Variants in ADAMTS2 observed in about 807,000 individuals in gnomAD.
ADAMTS2 encodes A disintegrin and metalloproteinase with thrombospondin motifs 2.
A neutral mutation model predicts 123.0 loss-of-function variants in ADAMTS2; 50 were observed. That is an observed-to-expected ratio of 0.41 (90% CI 0.32 to 0.51). The LOEUF (loss-of-function observed/expected upper bound fraction) is 0.51. Ranked by LOEUF, ADAMTS2 falls within the 20% of genes least tolerant of loss-of-function variation. The pLI is 0.35. For synonymous variants in ADAMTS2, 678 were observed against 695.4 expected (o/e 0.98, Z 0.39); for missense variants, 1,494 against 1,705.2 (o/e 0.88, Z 2.18).
At chr5:179,186,188 T>C (rs1280469389) in intron 4 of ADAMTS2, among the ~76,000 whole-genome samples, 1 of 152,058 alleles carries the variant, frequency 6.6e-6, no homozygotes, top group Non-Finnish European at 1.5e-5. Context: ...CTTGGCCCCC[T>C]CCCAGGCCAG....
intron 4 of ADAMTS2, among the ~76,000 whole-genome samples, chr5:179,187,521 A>G (rs1445421296): frequency 6.6e-6 from 1 of 152,226 alleles, no homozygotes; most frequent in African/African-American, 2.4e-5. Flanking sequence ...ATAACAGGAA[A>G]TGGGCAAAAT....
chr5:179,263,561 T>G (rs1022707089), intron 3 of ADAMTS2, among the ~76,000 whole-genome samples: 2 of 152,182 alleles, frequency 1.3e-5, no homozygotes, highest in African/African-American at 4.8e-5. Flanking sequence ...CAGTTTGGGA[T>G]GGGAGGCGTG....
chr5:179,140,895 G>T (rs1763154559), intron 10 of ADAMTS2, among the ~76,000 whole-genome samples: 1 of 145,878 alleles, frequency 6.9e-6, no homozygotes, highest in Non-Finnish European at 1.5e-5. Context: ...CGCCTCCTGG[G>T]TTCAAGCGAT....
At position 179,154,704 on chromosome 5, in the gene ADAMTS2, G is replaced by A. The variant is rs80327933; in HGVS notation, c.1238+110C>T. 2,604 of 888,988 alleles carry A rather than the reference G, an allele frequency of 2.9e-3. 54 individuals carry two copies. The African/African-American group carries it at 0.037, about 13-fold the overall frequency. The allele number at this position is 888,988 out of a possible 1,614,324, so 55.1% of individuals were successfully genotyped here. The stretch of plus-strand genomic sequence containing the variant: ...GAAGACAGGAGACCACACCCCAAGT[G>A]GCTTTGACACAGGGCGTGTCCCTCT... On this transcript the variant is annotated intron_variant, in intron 7 of 21. Coordinates refer to ENST00000251582, the MANE Select transcript of ADAMTS2 (RefSeq NM_014244.5).
In ADAMTS2 at chr5:179,189,742, TA is replaced by T. The variant is rs545515112; in HGVS notation, c.892-8588del. Among the ~76,000 whole-genome samples the T allele has an allele frequency of 2.4e-4, 34 of 142,854 alleles. No homozygotes were observed. Among genetic ancestry groups the T allele is most frequent in the African/African-American group, 7.7e-4 (29 of 37,880 alleles). The allele number at this position is 142,854 out of a possible 152,430, so 93.7% of individuals were successfully genotyped here. ...AATATTACAAAATATCTTCTTAAGGTAGGGGGGGACAATATTACAAAGTATC... is the reference window on the plus strand; with the variant it reads ...AATATTACAAAATATCTTCTTAAGGTGGGGGGGACAATATTACAAAGTATC... On this transcript the variant is annotated intron_variant, in intron 4 of 21. Coordinates refer to ENST00000251582, the MANE Select transcript of ADAMTS2 (RefSeq NM_014244.5). This position sits in a 1 kb window ranked among gnomAD's most constrained non-coding sequence, Gnocchi z 4.2.
chr5:179,335,703 C>T (rs1164809441), intron 2 of ADAMTS2, among the ~76,000 whole-genome samples: 1 of 152,194 alleles, frequency 6.6e-6, no homozygotes, highest in Non-Finnish European at 1.5e-5. Context: ...CATCATATGT[C>T]CAGAAGCTCT....
intron 3 of ADAMTS2, among the ~76,000 whole-genome samples, chr5:179,208,763 T>G (rs1764780322): frequency 6.6e-6 from 1 of 151,778 alleles, no homozygotes; most frequent in South Asian, 2.1e-4. Flanking sequence ...GAAGCCCCCT[T>G]TCCCTTGCAC....
At chr5:179,169,064 C>T (rs1470214109) in intron 5 of ADAMTS2, among the ~76,000 whole-genome samples, 9 of 152,222 alleles carry the variant, frequency 5.9e-5, no homozygotes, top group Non-Finnish European at 1.2e-4. Flanking sequence ...AGAAGAGGGG[C>T]CTCCTGCTAG....
intron 3 of ADAMTS2, among the ~76,000 whole-genome samples, chr5:179,246,500 G>A (rs1258353313): frequency 6.6e-6 from 1 of 152,100 alleles, no homozygotes; most frequent in Non-Finnish European, 1.5e-5. Context: ...AGATATTTGA[G>A]GAAATAAGGT....
intron 5 of ADAMTS2, among the ~76,000 whole-genome samples, chr5:179,167,311 C>T (rs1005072810): frequency 1.3e-5 from 2 of 152,044 alleles, no homozygotes; most frequent in South Asian, 4.1e-4. Context: ...AACAGCGGCC[C>T]GGGCCGGGGA....
chr5:179,321,882 T>A (rs567834860), intron 2 of ADAMTS2, among the ~76,000 whole-genome samples: 1 of 152,272 alleles, frequency 6.6e-6, no homozygotes, highest in East Asian at 1.9e-4. Context: ...CAGACCCAAG[T>A]GCCTGGAGAT....
rs1021559548 is a variant in ADAMTS2 at position 179,128,369 on chromosome 5, T to G, written c.2458-251A>C. ...GATCAATATATAACCTTGTTTTATG[T>G]GTGAGTCTGTTTATTTTTTTGTTTG... On this transcript the variant is annotated intron_variant, in intron 16 of 21. Transcript: ENST00000251582. The surrounding 1 kb of genome is among the most constrained non-coding windows in gnomAD (Gnocchi z 4.9). 2.0e-5 allele frequency among the ~76,000 whole-genome samples: 3 copies of G among 152,212 alleles called. No homozygotes were observed. The highest frequency in any genetic ancestry group is 7.2e-5 in the African/African-American group (3 of 41,450).
chr5:179,325,264 G>T (rs1757282059), intron 2 of ADAMTS2, among the ~76,000 whole-genome samples: 1 of 152,310 alleles, frequency 6.6e-6, no homozygotes, highest in Non-Finnish European at 1.5e-5. Flanking sequence ...TGGTTCTGGG[G>T]GCCTGTGCTT....
chr5:179,290,160 C>T (rs1463767733), intron 2 of ADAMTS2, among the ~76,000 whole-genome samples: 6 of 152,184 alleles, frequency 3.9e-5, no homozygotes, highest in African/African-American at 1.4e-4. Flanking sequence ...GTATCTGAAT[C>T]ATGGAGGCCG....
chr5:179,176,563 G>A (rs968099847), intron 5 of ADAMTS2, among the ~76,000 whole-genome samples: 3 of 152,128 alleles, frequency 2.0e-5, no homozygotes, highest in Admixed American at 6.5e-5. Context: ...ACATCCTCTC[G>A]AAGTGGCCTC....
chr5:179,202,173 C>T lies in ADAMTS2; in HGVS notation c.891+5340G>A, dbSNP rs1220214371. 5.9e-5 allele frequency among the ~76,000 whole-genome samples: 9 copies of T among 151,640 alleles called. No homozygotes were observed. The highest frequency in any genetic ancestry group is 1.3e-4 in the Admixed American group (2 of 15,230). ...CCCCTCCACCTCTGGAAGACTGCGG[C>T]GGCCGGCCTTGCCGGCCCCGACTTC... On this transcript the variant is annotated intron_variant, in intron 4 of 21. Transcript: ENST00000251582. The surrounding 1 kb of genome is among the most constrained non-coding windows in gnomAD (Gnocchi z 4.0).
chr5:179,316,799 A>G lies in ADAMTS2; in HGVS notation c.534+26968T>C, dbSNP rs186039377. ...AAAAAATAAATTTAAAAAATTAGCCAGGCATGGTGGTGCACACCTGTACTT... is the reference window on the plus strand; with the variant it reads ...AAAAAATAAATTTAAAAAATTAGCCGGGCATGGTGGTGCACACCTGTACTT... On this transcript the variant is annotated intron_variant, in intron 2 of 21. Transcript: ENST00000251582. 8.9e-4 allele frequency among the ~76,000 whole-genome samples: 136 copies of G among 152,272 alleles called. 1 individual carries two copies. The highest frequency in any genetic ancestry group is 3.2e-3 in the African/African-American group (134 of 41,558).
At chr5:179,300,094 CAAAA>C (rs59939578) in intron 2 of ADAMTS2, among the ~76,000 whole-genome samples, 1 of 102,334 alleles carries the variant, frequency 9.8e-6, no homozygotes, top group Non-Finnish European at 1.9e-5. Context: ...GACTCCGTCT[CAAAA>C]AAAAAAAAAA....
At chr5:179,186,843 C>G (rs1477994732) in intron 4 of ADAMTS2, among the ~76,000 whole-genome samples, 1 of 137,766 alleles carries the variant, frequency 7.3e-6, no homozygotes, top group Admixed American at 7.1e-5. Flanking sequence ...CCTCCCCACC[C>G]CCCCACCCAC....
Sources: allele counts gnomAD v4.1 joint callset (sites outside exome capture counted in the v4.1 genomes callset), GRCh38; gene constraint gnomAD v4.1.1; non-coding constraint Gnocchi (gnomAD v3.1); transcripts MANE v1.5; gene names NCBI Gene and HGNC (gene_info 2026-07-23, HGNC 2026-07-21).